The following NPTXR variants were observed in gnomAD, a reference collection of about 807,000 sequenced individuals.
NPTXR encodes the protein neuronal pentraxin receptor.
NPTXR carries 12 observed loss-of-function variants against 32.2 expected under a neutral mutation model. That is an observed-to-expected ratio of 0.37 (90% confidence interval 0.24 to 0.60). The LOEUF (loss-of-function observed/expected upper bound fraction) is 0.60, where lower values mean the gene tolerates loss of function less well. NPTXR is among the 20% of genes least tolerant of loss of function. The pLI is 0.66. For missense variants in NPTXR, 612 were observed against 682.9 expected (o/e 0.90, Z 1.16); for synonymous variants, 323 against 315.8 (o/e 1.02, Z -0.24).
chr22:38,837,859 T>TATTTTATTTTATTTG (rs2093126387), intron 1 of NPTXR, among the ~76,000 whole-genome samples: 1 of 151,190 alleles, frequency 6.6e-6, no homozygotes, highest in Non-Finnish European at 1.5e-5. Flanking sequence ...TATTTTATTT[T>TATTTTATTTTATTTG]ATTTTATTTT....
intron 1 of NPTXR, among the ~76,000 whole-genome samples, chr22:38,836,585 C>T (rs1463180373): frequency 6.6e-6 from 1 of 152,164 alleles, no homozygotes; most frequent in Admixed American, 6.5e-5. Flanking sequence ...CCAGAATAGC[C>T]GTTGCCTTTG....
chr22:38,823,191 A>G lies in NPTXR; in HGVS notation c.1170T>C (p.Asp390=). Reference sequence around the variant, plus strand: ...CGTCCTGGTAGGCAGACCATAGGCCATCCCTTGTGGTCCAGGCGATGCAGA... The same window carrying G: ...CGTCCTGGTAGGCAGACCATAGGCCGTCCCTTGTGGTCCAGGCGATGCAGA... The change falls in exon 4 of 5, where the codon GAT becomes GAC. Residue 390 remains aspartate, a synonymous_variant. Transcript: ENST00000333039. 1 of 1,614,066 alleles carries G rather than the reference A, an allele frequency of 6.2e-7. No individual in the cohort carries two copies. Among genetic ancestry groups the G allele is most frequent in the Non-Finnish European group, 8.5e-7 (1 of 1,180,012 alleles).
chr22:38,821,967 G>T lies in NPTXR; in HGVS notation c.*642C>A. ...CTGGAGCTGGGAAAGGAATGTCCTG[G>T]AGACTGAGGTGGGGCTGGGCCAGGC... On this transcript the variant is annotated 3_prime_UTR_variant, in exon 5 of 5. Transcript: ENST00000333039. 6.4e-6 allele frequency: 1 copy of T among 156,418 alleles called. No individual in the cohort carries two copies. Among genetic ancestry groups the T allele is most frequent in the Non-Finnish European group, 1.4e-5 (1 of 70,722 alleles). The allele number at this position is 156,418 out of a possible 1,614,324, so 9.7% of individuals were successfully genotyped here. A position where few individuals can be genotyped will look rare whatever the true frequency, so the allele number is the denominator to read the frequency against.
Position 38,828,311 on chromosome 22 carries a change from C to T in NPTXR, c.826G>A (p.Gly276Ser), listed in dbSNP as rs757970245. The T allele has an allele frequency of 1.4e-5, 23 of 1,613,474 alleles. No homozygotes were observed. Among genetic ancestry groups the T allele is most frequent in the South Asian group, 3.3e-5 (3 of 91,082 alleles). The stretch of plus-strand genomic sequence containing the variant: ...CCGTGCTCCAGCTCAGCCACACGAC[C>T]CTGCAGGACGTCCAACTCCTTTTCC... The change falls in exon 2 of 5, where the codon GGT becomes AGT. Residue 276 changes from glycine to serine, a missense_variant. Coordinates refer to ENST00000333039, the MANE Select transcript of NPTXR (RefSeq NM_014293.4).
chr22:38,833,127 G>A (rs754809793), intron 1 of NPTXR, among the ~76,000 whole-genome samples: 1 of 152,148 alleles, frequency 6.6e-6, no homozygotes, highest in African/African-American at 2.4e-5. Context: ...TACACTGCTG[G>A]TCTGGGTCTG....
In NPTXR at chr22:38,834,589, C is replaced by T. The variant is rs1233516083; in HGVS notation, c.625-6077G>A. Among the ~76,000 whole-genome samples the T allele has an allele frequency of 7.4e-6, 1 of 135,226 alleles. No individual in the cohort carries two copies. Among genetic ancestry groups the T allele is most frequent in the Non-Finnish European group, 1.6e-5 (1 of 63,042 alleles). The allele number at this position is 135,226 out of a possible 152,430, so 88.7% of individuals were successfully genotyped here. On this transcript the variant is annotated intron_variant, in intron 1 of 4. Coordinates refer to ENST00000333039, the MANE Select transcript of NPTXR (RefSeq NM_014293.4). This position sits in a 1 kb window ranked among gnomAD's most constrained non-coding sequence, Gnocchi z 4.4. ...GGCTGCAGAGCACTCATCCATCCAT[C>T]CATCCATCCATCATCCATCCATCCA...
At position 38,819,684 on chromosome 22, in the gene NPTXR, C is replaced by A. The variant is rs1477094010; in HGVS notation, c.*2925G>T. On this transcript the variant is annotated 3_prime_UTR_variant, in exon 5 of 5. Coordinates refer to ENST00000333039, the MANE Select transcript of NPTXR (RefSeq NM_014293.4). ...GTGTTGTGAGATCAACAGGACGGTG[C>A]CTGTGCCACACTCAGTGCAGTGCCA... 6.6e-6 allele frequency: 1 copy of A among 152,334 alleles called. No individual in the cohort carries two copies. The highest frequency in any genetic ancestry group is 1.5e-5 in the Non-Finnish European group (1 of 68,098). 9.4% of individuals were successfully genotyped at this position (152,334 alleles called of 1,614,324 possible).
chr22:38,824,328 T>G (rs376890053), intron 3 of NPTXR, among the ~76,000 whole-genome samples: 3 of 152,198 alleles, frequency 2.0e-5, no homozygotes, highest in East Asian at 1.9e-4. Flanking sequence ...CTCTGAGGCC[T>G]ACGTGGTGCC....
chr22:38,838,430 G>T (rs888944141), intron 1 of NPTXR, among the ~76,000 whole-genome samples: 9 of 152,072 alleles, frequency 5.9e-5, no homozygotes, highest in African/African-American at 1.9e-4. Flanking sequence ...CAGCAGCAGT[G>T]AAGGTCTTGC....
At chr22:38,832,353 C>T (rs1025392307) in intron 1 of NPTXR, among the ~76,000 whole-genome samples, 4 of 152,234 alleles carry the variant, frequency 2.6e-5, no homozygotes, top group African/African-American at 7.2e-5. Flanking sequence ...GGAATGATGA[C>T]GCCAGCACCC....
chr22:38,843,193 C>A lies in NPTXR; in HGVS notation c.624+42G>T. ...GGACGACCGCGGCCGGGCGGCCCCT[C>A]ACACCACCCGGGCGGCTCCCCCGAC... On this transcript the variant is annotated intron_variant, in intron 1 of 4. Coordinates refer to ENST00000333039, the MANE Select transcript of NPTXR (RefSeq NM_014293.4). This position sits in a 1 kb window ranked among gnomAD's most constrained non-coding sequence, Gnocchi z 5.3. The A allele has an allele frequency of 7.8e-7, 1 of 1,281,222 alleles. No individual in the cohort carries two copies. The highest frequency in any genetic ancestry group is 2.5e-5 in the South Asian group (1 of 40,334). 79.4% of individuals were successfully genotyped at this position (1,281,222 alleles called of 1,614,324 possible).
In NPTXR at chr22:38,822,635, C is replaced by T; in HGVS notation, c.1477G>A (p.Val493Ile). ...CATGCCTTGGCCCTCCCCTTGCAGACATCGAAGGCAGCCTTTGTTGCACCC... is the reference window on the plus strand; with the variant it reads ...CATGCCTTGGCCCTCCCCTTGCAGATATCGAAGGCAGCCTTTGTTGCACCC... Residue 493 changes from valine to isoleucine, a missense_variant, in exon 5 of 5, where the codon GTC becomes ATC. Coordinates refer to ENST00000333039, the MANE Select transcript of NPTXR (RefSeq NM_014293.4). 1 of 1,613,270 alleles carries T rather than the reference C, an allele frequency of 6.2e-7. No homozygotes were observed. Among genetic ancestry groups the T allele is most frequent in the Non-Finnish European group, 8.5e-7 (1 of 1,179,784 alleles).
intron 1 of NPTXR, among the ~76,000 whole-genome samples, chr22:38,832,567 G>A (rs118016777): frequency 0.012 from 1,878 of 152,328 alleles, 11 homozygotes; most frequent in Non-Finnish European, 0.022. Context: ...TCGAGCACTC[G>A]CTGCATGCCA....
rs5845398 is a variant in NPTXR, at chr22:38,833,655, AT to A, written c.625-5144del. Among the ~76,000 whole-genome samples, 977 of 137,970 alleles carry A rather than the reference AT, an allele frequency of 7.1e-3. 5 individuals are homozygous for A. Among genetic ancestry groups the A allele is most frequent in the African/African-American group, 0.013 (475 of 36,742 alleles). The allele number at this position is 137,970 out of a possible 152,430, so 90.5% of individuals were successfully genotyped here. ...TCTACTATTAATGTCGTGACTAACA[AT>A]TTTTTTTTTTTTTTTGCGATGGAGT... On this transcript the variant is annotated intron_variant, in intron 1 of 4. Transcript: ENST00000333039.
chr22:38,826,616 T>C lies in NPTXR; in HGVS notation c.982A>G (p.Arg328Gly), dbSNP rs1372938933. The change falls in exon 3 of 5, where the codon AGG becomes GGG. Residue 328 changes from arginine (R) to glycine (G), a missense_variant. Transcript: ENST00000333039. ...GTGCCCTGGCCGGTGCCGCTGGACC[T>C]GGACCGCAGCCACATGCAGGCGGTG... The C allele has an allele frequency of 6.2e-7, 1 of 1,614,146 alleles. No individual in the cohort carries two copies. The highest frequency in any genetic ancestry group is 8.5e-7 in the Non-Finnish European group (1 of 1,180,052).
chr22:38,826,865 G>A (rs987914967), intron 2 of NPTXR, 118 bp from the exon 3 acceptor site: 26 of 1,149,778 alleles, frequency 2.3e-5, no homozygotes, highest in Non-Finnish European at 3.0e-5. Flanking sequence ...CATGCCCAGT[G>A]CCTTCAGGGC....
chr22:38,832,002 G>C (rs2093116955), intron 1 of NPTXR, among the ~76,000 whole-genome samples: 1 of 152,200 alleles, frequency 6.6e-6, no homozygotes, highest in South Asian at 2.1e-4. Context: ...AAGGGAGAGA[G>C]GGAGGAAGAC....
rs1002083302 is a variant in NPTXR at position 38,820,549 on chromosome 22, G to A, written c.*2060C>T. 2 of 152,236 alleles carry A rather than the reference G, an allele frequency of 1.3e-5. No homozygotes were observed. The highest frequency in any genetic ancestry group is 2.9e-5 in the Non-Finnish European group (2 of 68,068). The allele number at this position is 152,236 out of a possible 1,614,324, so 9.4% of individuals were successfully genotyped here. The stretch of plus-strand genomic sequence containing the variant: ...GGACACCTCAGCTCTCCATTCTGCC[G>A]AAGCGCCCAGGGATCATAACCTCCT... On this transcript the variant is annotated 3_prime_UTR_variant, in exon 5 of 5. Coordinates refer to ENST00000333039, the MANE Select transcript of NPTXR (RefSeq NM_014293.4).
chr22:38,824,812 C>CGGT (rs1288841351), intron 3 of NPTXR, among the ~76,000 whole-genome samples: 4 of 152,270 alleles, frequency 2.6e-5, no homozygotes, highest in South Asian at 4.1e-4. Context: ...CCAGCCACCC[C>CGGT]GGTGGTCGTA....
Sources: gnomAD v4.1 joint callset for allele counts (sites outside exome capture counted in the v4.1 genomes callset) on GRCh38, gnomAD v4.1.1 for gene constraint, Gnocchi (gnomAD v3.1) non-coding constraint, MANE v1.5 for transcripts, NCBI Gene and HGNC (gene_info 2026-07-23, HGNC 2026-07-21) for gene names.